Variants in KIF13A observed in about 807,000 individuals in gnomAD.
KIF13A encodes the protein kinesin family member 13A, also known as kinesin-like protein KIF13A.
In KIF13A, 79 loss-of-function variants were observed where a neutral mutation model predicts 212.2. That is an observed-to-expected ratio of 0.37 (90% CI 0.31 to 0.45). The LOEUF (loss-of-function observed/expected upper bound fraction) is 0.45, where lower values mean the gene tolerates loss of function less well. Ranked by LOEUF, KIF13A falls within the 20% of genes least tolerant of loss-of-function variation. KIF13A has a pLI of 1.00. For missense variants in KIF13A, 1,901 were observed against 2,209.0 expected, an observed-to-expected ratio of 0.86 and a Z score of 2.79; for synonymous variants, 789 against 808.6, an observed-to-expected ratio of 0.98 and a Z score of 0.41.
chr6:17,939,630 T>C (rs1776772899), intron 2 of KIF13A, among the ~76,000 whole-genome samples: 1 of 152,196 alleles, frequency 6.6e-6, no homozygotes, highest in African/African-American at 2.4e-5. Flanking sequence ...CACACATACC[T>C]TGTTGATAAA....
At position 17,895,957 on chromosome 6, in the gene KIF13A, TG is replaced by T. The variant is rs1352999964; in HGVS notation, c.159+2210del. ...AATTTCACAAATATTTTGCCTCTTGTGGTCTTTAATATAATCAATTTTATAT... is the reference window on the plus strand; with the variant it reads ...AATTTCACAAATATTTTGCCTCTTGTGTCTTTAATATAATCAATTTTATAT... On this transcript the variant is annotated intron_variant, in intron 3 of 38. Coordinates refer to ENST00000259711, the MANE Select transcript of KIF13A (RefSeq NM_022113.6). This position sits in a 1 kb window ranked among gnomAD's most constrained non-coding sequence, Gnocchi z 4.4. Among the ~76,000 whole-genome samples, 13 of 152,202 alleles carry T rather than the reference TG, an allele frequency of 8.5e-5. No homozygotes were observed. Among genetic ancestry groups the T allele is most frequent in the Admixed American group, 8.5e-4 (13 of 15,282 alleles).
chr6:17,808,461 G>A (rs993026820), intron 18 of KIF13A, among the ~76,000 whole-genome samples: 3 of 152,138 alleles, frequency 2.0e-5, no homozygotes, highest in Admixed American at 2.0e-4. Context: ...TCAGAAAGGG[G>A]CATTTACATG....
rs36144211 is a variant in KIF13A, at chr6:17,813,948, CTTT to C, written c.2000+3069_2000+3071del. 6.4e-3 allele frequency among the ~76,000 whole-genome samples: 577 copies of C among 90,736 alleles called. 2 individuals are homozygous for C. The highest frequency in any genetic ancestry group is 0.014 in the South Asian group (32 of 2,356). 59.5% of individuals were successfully genotyped at this position (90,736 alleles called of 152,430 possible). A position where few individuals can be genotyped will look rare whatever the true frequency, so the allele number is the denominator to read the frequency against. ...AATGGTCTATAGATGTAAGGTGCTG[CTTT>C]TTTTTTTTTTTTTTTTTTTGAGATG... On this transcript the variant is annotated intron_variant, in intron 17 of 38. Transcript: ENST00000259711.
rs865883552 is a variant in KIF13A at position 17,804,444 on chromosome 6, C to G, written c.2371G>C (p.Gly791Arg). 2 of 1,582,464 alleles carry G rather than the reference C, an allele frequency of 1.3e-6. No individual in the cohort carries two copies. The highest frequency in any genetic ancestry group is 1.7e-6 in the Non-Finnish European group (2 of 1,163,386). Residue 791 changes from glycine to arginine, a missense_variant, in exon 20 of 39, where the codon GGG becomes CGG. Gly to Arg is a moderately radical substitution (Grantham distance 125). This residue lies in a region of KIF13A where 534 missense variants were observed against 536.9 expected (regional missense o/e 0.99). Transcript: ENST00000259711. ...YEAQENHNLI[G>R]VANVFLECLF... ...CATTCCAAGAATACATTCGCCACCC[C>G]GATGAGGTTGTGATTTTCTTGGGCT...
Position 17,774,666 on chromosome 6 carries a change from G to A in KIF13A, c.4218+349C>T, listed in dbSNP as rs1368148009. On this transcript the variant is annotated intron_variant, in intron 35 of 38. Coordinates refer to ENST00000259711, the MANE Select transcript of KIF13A (RefSeq NM_022113.6). ...CAAATGACTATAATCCCAGCTACTC[G>A]GGAGGCTGAGGCAGGAGAATCGCTT... Among the ~76,000 whole-genome samples, 6 of 152,050 alleles carry A rather than the reference G, an allele frequency of 3.9e-5. No individual in the cohort carries two copies. In the South Asian group the frequency reaches 6.2e-4, roughly 16 times the overall value.
downstream of KIF13A, chr6:17,760,700 G>C (rs1446330539): frequency 3.0e-6 from 2 of 659,828 alleles, no homozygotes; most frequent in South Asian, 3.7e-5. Flanking sequence ...GAGGGGAAAG[G>C]AGGTGGCCCA....
In KIF13A at chr6:17,836,908, C is replaced by A. The variant is rs201673713; in HGVS notation, c.1125G>T (p.Glu375Asp). Residue 375 changes from glutamate (E) to aspartate (D), a missense_variant, in exon 11 of 39, where the codon GAG (glutamate) becomes GAT (aspartate). Coordinates refer to ENST00000259711, the MANE Select transcript of KIF13A (RefSeq NM_022113.6). Reference sequence around the variant, plus strand: ...CCTGAGAGAGCTGCTCTCTCAGTTTCTCGACTTCCTCCCGCAGTTCTCGGA... The same window carrying A: ...CCTGAGAGAGCTGCTCTCTCAGTTTATCGACTTCCTCCCGCAGTTCTCGGA... ...KVIRELREEVEKLREQLSQAE... is the reference protein window; with the variant it reads ...KVIRELREEVDKLREQLSQAE... 40 of 1,613,902 alleles carry A rather than the reference C, an allele frequency of 2.5e-5. No homozygotes were observed. The highest frequency in any genetic ancestry group is 3.1e-5 in the Non-Finnish European group (37 of 1,179,850).
At chr6:17,848,502 G>T (rs778391155) in intron 9 of KIF13A, among the ~76,000 whole-genome samples, 2 of 141,638 alleles carry the variant, frequency 1.4e-5, no homozygotes, top group African/African-American at 5.2e-5. Flanking sequence ...TATGGTATTT[G>T]TGCCATTTTT....
chr6:17,864,445 G>T (rs1238746266), intron 4 of KIF13A, among the ~76,000 whole-genome samples: 3 of 152,174 alleles, frequency 2.0e-5, no homozygotes, highest in Admixed American at 1.3e-4. Context: ...TACAAGCAAA[G>T]TCACAGACCT....
intron 4 of KIF13A, among the ~76,000 whole-genome samples, chr6:17,859,620 T>TTTTATATATATATATATA (rs1485260645): frequency 1.5e-4 from 20 of 131,540 alleles, no homozygotes; most frequent in Non-Finnish European, 3.1e-4. Flanking sequence ...GCAATGTATT[T>TTTTATATATATATATATA]TATATATATA....
At chr6:17,902,914 A>AT (rs925874057) in intron 2 of KIF13A, among the ~76,000 whole-genome samples, 10 of 152,276 alleles carry the variant, frequency 6.6e-5, no homozygotes, top group South Asian at 4.1e-4. Context: ...CTCAGAAATA[A>AT]TTTTTTTACA....
chr6:17,887,308 T>A (rs565258911), intron 3 of KIF13A, among the ~76,000 whole-genome samples: 1 of 152,298 alleles, frequency 6.6e-6, no homozygotes, highest in East Asian at 1.9e-4. Flanking sequence ...CAGGGAAATA[T>A]ATTTTCGTTG....
chr6:17,823,917 CT>C (rs60400987), intron 16 of KIF13A, among the ~76,000 whole-genome samples: 3,718 of 137,922 alleles, frequency 0.027, 117 homozygotes, highest in African/African-American at 0.068. Flanking sequence ...ATTTAAATTT[CT>C]TTTTTTTTTT....
At chr6:17,806,058 T>C (rs1315978017) in intron 18 of KIF13A, among the ~76,000 whole-genome samples, 1 of 152,070 alleles carries the variant, frequency 6.6e-6, no homozygotes, top group African/African-American at 2.4e-5. Flanking sequence ...TAGCTGGGAC[T>C]ATAGGCACAT....
intron 2 of KIF13A, among the ~76,000 whole-genome samples, chr6:17,936,876 G>A (rs1203943492): frequency 3.3e-5 from 5 of 152,138 alleles, no homozygotes. Context: ...CAGAATGTTT[G>A]TTAGGGCAAA....
At chr6:17,792,465 T>C (rs1761675061) in intron 25 of KIF13A, among the ~76,000 whole-genome samples, 1 of 152,206 alleles carries the variant, frequency 6.6e-6, no homozygotes, top group South Asian at 2.1e-4. Flanking sequence ...AACCATTTAG[T>C]AAAGCTCAAC....
rs187358106 is a variant in KIF13A, at chr6:17,895,459, G to C, written c.159+2709C>G. On this transcript the variant is annotated intron_variant, in intron 3 of 38. Coordinates refer to ENST00000259711, the MANE Select transcript of KIF13A (RefSeq NM_022113.6). The surrounding 1 kb of genome is among the most constrained non-coding windows in gnomAD (Gnocchi z 4.4). ...GGTATCACTTTGTTCCAATTTTTGTGCTTGAGATTTCCTGGATCATACAAA... is the reference window on the plus strand; with the variant it reads ...GGTATCACTTTGTTCCAATTTTTGTCCTTGAGATTTCCTGGATCATACAAA... Among the ~76,000 whole-genome samples, 5 of 152,258 alleles carry C rather than the reference G, an allele frequency of 3.3e-5. No homozygotes were observed. Among genetic ancestry groups the C allele is most frequent in the Non-Finnish European group, 7.4e-5 (5 of 68,022 alleles).
intron 2 of KIF13A, among the ~76,000 whole-genome samples, chr6:17,924,728 CAG>C (rs1437478010): frequency 6.6e-6 from 1 of 152,062 alleles, no homozygotes; most frequent in Non-Finnish European, 1.5e-5. Flanking sequence ...AGGGGCAAGA[CAG>C]AGAAAAACGA....
At chr6:17,868,379 TAAACATTTACAA>T (rs1381675366) in intron 4 of KIF13A, among the ~76,000 whole-genome samples, 3 of 152,216 alleles carry the variant, frequency 2.0e-5, no homozygotes, top group African/African-American at 7.2e-5. Context: ...AGCAGTGACT[TAAACATTTACAA>T]AGACTGCTTT....
Sources: gnomAD v4.1 joint callset for allele counts (sites outside exome capture counted in the v4.1 genomes callset) on GRCh38, gnomAD v4.1.1 for gene constraint, gnomAD v4.1.1 regional missense constraint, Gnocchi (gnomAD v3.1) non-coding constraint, MANE v1.5 for transcripts, NCBI Gene and HGNC (gene_info 2026-07-23, HGNC 2026-07-21) for gene names.